The following DOT1L variants were observed in gnomAD, a reference collection of about 807,000 sequenced individuals.
DOT1L encodes the protein histone-lysine N-methyltransferase, H3 lysine-79 specific.
A neutral mutation model predicts 153.3 loss-of-function variants in DOT1L; 33 were observed. The observed-to-expected ratio is 0.22, with a 90% confidence interval of 0.16 to 0.29. DOT1L has a LOEUF of 0.29. Ranked by LOEUF, DOT1L falls within the 10% of genes least tolerant of loss-of-function variation. The pLI, the probability that DOT1L is intolerant of heterozygous loss-of-function variation, is 1.00. For synonymous variants in DOT1L, 1,135 were observed against 965.1 expected, an observed-to-expected ratio of 1.18 and a Z score of -3.26; for missense variants, 1,847 against 2,119.9, an observed-to-expected ratio of 0.87 and a Z score of 2.53.
rs772598468 is a variant in DOT1L at position 2,191,254 on chromosome 19, G to A, written c.493+14G>A. ...ACTTGGGGAGCGGTGAGTGTCGCCC[G>A]CCATGCCCGGCTCCTGTGCACTTCC... On this transcript the variant is annotated intron_variant, in intron 5 of 27. Coordinates refer to ENST00000398665, the MANE Select transcript of DOT1L (RefSeq NM_032482.3). The surrounding 1 kb of genome is among the most constrained non-coding windows in gnomAD (Gnocchi z 6.8). The A allele has an allele frequency of 8.7e-6, 14 of 1,612,044 alleles. No individual in the cohort carries two copies. Among genetic ancestry groups the A allele is most frequent in the African/African-American group, 1.3e-5 (1 of 74,868 alleles).
chr19:2,211,854 C>T lies in DOT1L; in HGVS notation c.1557+12C>T, dbSNP rs776223016. On this transcript the variant is annotated intron_variant, in intron 16 of 27. Transcript: ENST00000398665. Reference sequence around the variant, plus strand: ...TGGGCCAGGAGAAGGTGGGTCCTGGCCCCCTTGGCATTCCGCCTTCCCGCA... The same window carrying T: ...TGGGCCAGGAGAAGGTGGGTCCTGGTCCCCTTGGCATTCCGCCTTCCCGCA... 6.4e-7 allele frequency: 1 copy of T among 1,554,858 alleles called. No individual in the cohort carries two copies. Among genetic ancestry groups the T allele is most frequent in the Non-Finnish European group, 8.7e-7 (1 of 1,149,654 alleles).
Position 2,222,882 on chromosome 19 carries a change from C to T in DOT1L, c.3390+323C>T. ...AGAGCGAGACTCCCTCTCGGGGGGACAAAAAAAAACACAAAAAAAAACAGG... is the reference window on the plus strand; with the variant it reads ...AGAGCGAGACTCCCTCTCGGGGGGATAAAAAAAAACACAAAAAAAAACAGG... On this transcript the variant is annotated intron_variant, in intron 24 of 27. Transcript: ENST00000398665. This position sits in a 1 kb window ranked among gnomAD's most constrained non-coding sequence, Gnocchi z 6.5. The T allele has an allele frequency of 2.9e-6, 1 of 349,158 alleles. No individual in the cohort carries two copies. Among genetic ancestry groups the T allele is most frequent in the Non-Finnish European group, 5.1e-6 (1 of 196,194 alleles). The allele number at this position is 349,158 out of a possible 1,614,324, so 21.6% of individuals were successfully genotyped here.
rs1262032126 is a variant in DOT1L, at chr19:2,191,355, A to C, written c.493+115A>C. ...AGGGACTTGCGACGTTGGCGTGGAC[A>C]GTGCTTCCTTCTCCCAGCGCCTCTG... On this transcript the variant is annotated intron_variant, in intron 5 of 27. Transcript: ENST00000398665. The surrounding 1 kb of genome is among the most constrained non-coding windows in gnomAD (Gnocchi z 6.8). The C allele has an allele frequency of 1.0e-5, 11 of 1,075,638 alleles. No homozygotes were observed. Among genetic ancestry groups the C allele is most frequent in the Admixed American group, 1.9e-5 (1 of 51,452 alleles). The allele number at this position is 1,075,638 out of a possible 1,614,324, so 66.6% of individuals were successfully genotyped here.
intron 20 of DOT1L, 80 bp from the exon 21 acceptor site, chr19:2,216,875 G>T (rs1050560938): frequency 3.8e-6 from 6 of 1,562,370 alleles, no homozygotes; most frequent in East Asian, 4.5e-5. Flanking sequence ...GGAGACTGAG[G>T]TGGGGAGGTG....
At chr19:2,219,130 C>T (rs1030330767) in intron 22 of DOT1L, among the ~76,000 whole-genome samples, 8 of 152,196 alleles carry the variant, frequency 5.3e-5, no homozygotes, top group African/African-American at 1.4e-4. Flanking sequence ...CCTCAGCCTC[C>T]GAAATTGATG....
Position 2,206,780 on chromosome 19 carries a change from A to C in DOT1L, c.839A>C (p.Asn280Thr). The change falls in exon 10 of 28, where the codon AAC (asparagine) becomes ACC (threonine). Residue 280 changes from asparagine to threonine, a missense_variant. Physicochemically the swap from Asn to Thr is moderately conservative, Grantham distance 65 (BLOSUM62 0). Around this residue, in one of 8 missense-constraint regions of DOT1L, gnomAD observed 148 missense variants for 422.3 expected, o/e 0.35. Transcript: ENST00000398665. ...KPFAPLNFRI[N>T]SRNLSDIGTI... is the part of the protein sequence containing the mutation. ...TTTGCACCTCTGAACTTCAGAATAA[A>C]CAGTAGAAACTTGAGTGGTAAGAAA... The C allele has an allele frequency of 6.2e-7, 1 of 1,613,936 alleles. No homozygotes were observed. Among genetic ancestry groups the C allele is most frequent in the Non-Finnish European group, 8.5e-7 (1 of 1,179,848 alleles).
intron 7 of DOT1L, 31 bp from the exon 8 acceptor site, chr19:2,199,853 G>C: frequency 6.8e-6 from 11 of 1,610,520 alleles, no homozygotes; most frequent in Non-Finnish European, 6.8e-6. Context: ...GGAGGCCGGG[G>C]GTCCGCGCTC....
intron 1 of DOT1L, among the ~76,000 whole-genome samples, chr19:2,170,566 C>T (rs2021560423): frequency 6.6e-6 from 1 of 152,120 alleles, no homozygotes; most frequent in African/African-American, 2.4e-5. Context: ...ATGTCTACCT[C>T]GACACAGGCT....
rs560113343 is a variant in DOT1L at position 2,193,475 on chromosome 19, T to C, written c.494-214T>C. ...CAAGTGATGTCCATGGATGACGCGTTGTGATGACCGTCCCCTCGTGGGGGC... is the reference window on the plus strand; with the variant it reads ...CAAGTGATGTCCATGGATGACGCGTCGTGATGACCGTCCCCTCGTGGGGGC... On this transcript the variant is annotated intron_variant, in intron 5 of 27. Coordinates refer to ENST00000398665, the MANE Select transcript of DOT1L (RefSeq NM_032482.3). The surrounding 1 kb of genome is among the most constrained non-coding windows in gnomAD (Gnocchi z 5.9). 1.1e-4 allele frequency among the ~76,000 whole-genome samples: 16 copies of C among 152,262 alleles called. No homozygotes were observed. The highest frequency in any genetic ancestry group is 2.4e-4 in the African/African-American group (10 of 41,556).
chr19:2,229,516 G>C (rs2024508942), intron 27 of DOT1L: 1 of 985,358 alleles, frequency 1.0e-6, no homozygotes, highest in African/African-American at 1.7e-5. Flanking sequence ...CTGCAGGTAG[G>C]GTGGCTTTAG....
In DOT1L at chr19:2,216,608, A is replaced by G; in HGVS notation, c.2251A>G (p.Thr751Ala). The G allele has an allele frequency of 1.2e-6, 2 of 1,606,256 alleles. No individual in the cohort carries two copies. Among genetic ancestry groups the G allele is most frequent in the Non-Finnish European group, 1.7e-6 (2 of 1,179,858 alleles). Residue 751 changes from threonine (T) to alanine (A), a missense_variant, in exon 20 of 28, where the codon ACC becomes GCC. Physicochemically the swap from Thr to Ala is moderately conservative, Grantham distance 58 (BLOSUM62 0). Transcript: ENST00000398665. ...CCTGGACCAGGAGGTGGTGCCCTGT[A>G]CCCCTAGCCACGTCGGCCGGCCGCG... ...SPLDQEVVPC[T>A]PSHVGRPRLE...
At chr19:2,214,285 C>A in intron 18 of DOT1L, 186 bp from the exon 19 acceptor site, 1 of 1,005,542 alleles carries the variant, frequency 9.9e-7, no homozygotes, top group Non-Finnish European at 1.4e-6. Flanking sequence ...GCTGCCTCAT[C>A]TGTCCGTGGG....
At chr19:2,173,467 G>A (rs1306467050) in intron 1 of DOT1L, among the ~76,000 whole-genome samples, 3 of 152,206 alleles carry the variant, frequency 2.0e-5, no homozygotes, top group Admixed American at 1.3e-4. Flanking sequence ...CTTACACAGC[G>A]GGCCTCCCTG....
intron 8 of DOT1L, 142 bp from the exon 9 acceptor site, chr19:2,202,558 T>C: frequency 2.6e-6 from 2 of 771,086 alleles, no homozygotes; most frequent in Non-Finnish European, 4.3e-6. Flanking sequence ...CGGCGTGCGC[T>C]CAGCTGCGTG....
rs1568348250 is a variant in DOT1L at position 2,200,932 on chromosome 19, ATCCTCCCCGCATTCCTCG to A, written c.707+1020_707+1037del. 4.1e-3 allele frequency among the ~76,000 whole-genome samples: 251 copies of A among 61,886 alleles called. 2 individuals are homozygous for A. The highest frequency in any genetic ancestry group is 6.4e-3 in the Non-Finnish European group (201 of 31,510). 40.6% of individuals were successfully genotyped at this position (61,886 alleles called of 152,430 possible). A position where few individuals can be genotyped will look rare whatever the true frequency, so the allele number is the denominator to read the frequency against. On this transcript the variant is annotated intron_variant, in intron 8 of 27. Transcript: ENST00000398665. Reference sequence around the variant, plus strand: ...ATTCCTCGTCCTCCCCGTATTCCTCATCCTCCCCGCATTCCTCGTCCTCCCCGCATTCCTCGTCCTCCC... The same window carrying A: ...ATTCCTCGTCCTCCCCGTATTCCTCATCCTCCCCGCATTCCTCGTCCTCCC...
intron 10 of DOT1L, 28 bp downstream of exon 10, chr19:2,206,825 G>C: frequency 6.2e-7 from 1 of 1,601,944 alleles, no homozygotes; most frequent in East Asian, 2.2e-5. Context: ...TGTTAATGAT[G>C]AACACGGGTA....
intron 1 of DOT1L, among the ~76,000 whole-genome samples, chr19:2,179,187 C>T (rs2144691111): frequency 6.6e-6 from 1 of 152,312 alleles, no homozygotes; most frequent in African/African-American, 2.4e-5. Context: ...GGTTCTGCAT[C>T]CTGGCAGGAG....
Position 2,210,395 on chromosome 19 carries a change from TC to T in DOT1L, c.1006-3del. 1 of 1,529,048 alleles carries T rather than the reference TC, an allele frequency of 6.5e-7. No individual in the cohort carries two copies. The highest frequency in any genetic ancestry group is 1.4e-5 in the African/African-American group (1 of 72,628). 94.7% of individuals were successfully genotyped at this position (1,529,048 alleles called of 1,614,324 possible). A position where few individuals can be genotyped will look rare whatever the true frequency, so the allele number is the denominator to read the frequency against. The stretch of plus-strand genomic sequence containing the variant: ...TTCCTGTGGCTCAACCTGCTCTCCT[TC>T]CAGGAGGAACAGGAGGCAGCCCGGC... On this transcript the variant is annotated splice_polypyrimidine_tract_variant and splice_region_variant and intron_variant, in intron 12 of 27. Coordinates refer to ENST00000398665, the MANE Select transcript of DOT1L (RefSeq NM_032482.3).
chr19:2,174,110 G>T (rs1448689175), intron 1 of DOT1L, among the ~76,000 whole-genome samples: 2 of 152,206 alleles, frequency 1.3e-5, no homozygotes, highest in Non-Finnish European at 2.9e-5. Context: ...GGCGTGCACA[G>T]CTGTGCCCAG....
Sources: allele counts gnomAD v4.1 joint callset (sites outside exome capture counted in the v4.1 genomes callset), GRCh38; gene constraint gnomAD v4.1.1; regional missense constraint gnomAD v4.1.1; non-coding constraint Gnocchi (gnomAD v3.1); transcripts MANE v1.5; gene names NCBI Gene and HGNC (gene_info 2026-07-23, HGNC 2026-07-21).